Variants in CTH observed in about 807,000 individuals in gnomAD.
CTH encodes cystathionine gamma-lyase.
In CTH, 41 loss-of-function variants were observed where a neutral mutation model predicts 50.6. That is an observed-to-expected ratio of 0.81 (90% confidence interval 0.63 to 1.05). The LOEUF (loss-of-function observed/expected upper bound fraction) is 1.05. CTH is among the 50% of genes least tolerant of loss of function. CTH has a pLI of 0.00. For missense variants in CTH, 470 were observed against 492.6 expected (o/e 0.95, Z 0.43); for synonymous variants, 156 against 168.9 (o/e 0.92, Z 0.59).
At chr1:70,417,511 T>G (rs1684119629) in intron 2 of CTH, among the ~76,000 whole-genome samples, 1 of 152,062 alleles carries the variant, frequency 6.6e-6, no homozygotes, top group Non-Finnish European at 1.5e-5. Context: ...TCACGAAATC[T>G]TGACCTCAAA....
chr1:70,433,954 A>G lies in CTH; in HGVS notation c.999+5A>G, dbSNP rs376726962. On this transcript the variant is annotated splice_donor_5th_base_variant and intron_variant, in intron 9 of 11. Transcript: ENST00000370938. ...ATTTTCCTCAAGAACCTAAAGGTAA[A>G]CTTACAAAATAGGTTTAAAATTGTA... The G allele has an allele frequency of 7.4e-6, 12 of 1,613,708 alleles. No individual in the cohort carries two copies. The highest frequency in any genetic ancestry group is 9.3e-6 in the Non-Finnish European group (11 of 1,179,792).
intron 2 of CTH, among the ~76,000 whole-genome samples, chr1:70,416,559 A>ATT (rs34806645): frequency 1.9e-3 from 215 of 115,606 alleles, no homozygotes; most frequent in Non-Finnish European, 2.6e-3. Flanking sequence ...CACCCTGCTA[A>ATT]TTTTTTTTTT....
At chr1:70,425,269 T>C (rs543577570) in intron 5 of CTH, among the ~76,000 whole-genome samples, 16 of 152,352 alleles carry the variant, frequency 1.1e-4, no homozygotes, top group African/African-American at 3.8e-4. Flanking sequence ...GTATTTATAG[T>C]GCTCTTATGT....
At chr1:70,437,878 T>C (rs1222250562) in intron 10 of CTH, among the ~76,000 whole-genome samples, 1 of 152,216 alleles carries the variant, frequency 6.6e-6, no homozygotes, top group Non-Finnish European at 1.5e-5. Flanking sequence ...GCTAAACCTC[T>C]CCTCCATTAT....
intron 10 of CTH, among the ~76,000 whole-genome samples, chr1:70,436,438 A>T (rs762636847): frequency 2.6e-5 from 4 of 152,202 alleles, no homozygotes; most frequent in African/African-American, 7.2e-5. Context: ...TACTATGACC[A>T]TATGTTGTAA....
chr1:70,411,450 T>C lies in CTH; in HGVS notation c.35T>C (p.Leu12Pro). The C allele has an allele frequency of 6.2e-7, 1 of 1,614,182 alleles. No homozygotes were observed. Among genetic ancestry groups the C allele is most frequent in the Non-Finnish European group, 8.5e-7 (1 of 1,180,018 alleles). Residue 12 changes from leucine to proline, a missense_variant, in exon 1 of 12, where the codon CTG becomes CCG. Physicochemically the swap from Leu to Pro is moderately conservative, Grantham distance 98. Coordinates refer to ENST00000370938, the MANE Select transcript of CTH (RefSeq NM_001902.6). The part of the protein sequence containing the change: ...QEKDASSQGF[L>P]PHFQHFATQA... The stretch of plus-strand genomic sequence containing the variant: ...AAAGACGCCTCCTCACAAGGTTTCC[T>C]GCCACACTTCCAACATTTCGCCACG...
chr1:70,416,895 T>C (rs1277584072), intron 2 of CTH, among the ~76,000 whole-genome samples: 1 of 151,356 alleles, frequency 6.6e-6, no homozygotes, highest in African/African-American at 2.4e-5. Flanking sequence ...ATGGGGCTAT[T>C]TTGGCCAGGC....
intron 3 of CTH, among the ~76,000 whole-genome samples, chr1:70,419,129 C>T (rs2101733747): frequency 6.6e-6 from 1 of 151,980 alleles, no homozygotes; most frequent in East Asian, 1.9e-4. Context: ...CCAGCTTCAT[C>T]CCTGTCCCTA....
chr1:70,418,110 AAT>A, intron 3 of CTH, 78 bp downstream of exon 3: 3 of 1,501,932 alleles, frequency 2.0e-6, no homozygotes, highest in Non-Finnish European at 2.8e-6. Flanking sequence ...TAATATTAAC[AAT>A]GTTGCCAGTA....
intron 1 of CTH, among the ~76,000 whole-genome samples, chr1:70,413,569 C>A (rs1684022331): frequency 6.6e-6 from 1 of 151,132 alleles, no homozygotes; most frequent in African/African-American, 2.4e-5. Context: ...CGGCTCACAG[C>A]CTCTCTTTCA....
rs754616727 is a variant in CTH at position 70,433,869 on chromosome 1, T to A, written c.919T>A (p.Cys307Ser). ...ACAGCATGAGTTGGTGAAGCGTCAG[T>A]GTACAGGTTGTACAGGGATGGTCAC... The part of the protein sequence containing the change: ...HPQHELVKRQ[C>S]TGCTGMVTFY... Residue 307 changes from cysteine to serine, a missense_variant, in exon 9 of 12, where the codon TGT becomes AGT. Cys to Ser is a moderately radical substitution (Grantham distance 112). Coordinates refer to ENST00000370938, the MANE Select transcript of CTH (RefSeq NM_001902.6). The A allele has an allele frequency of 6.2e-7, 1 of 1,614,144 alleles. No individual in the cohort carries two copies. The highest frequency in any genetic ancestry group is 1.7e-5 in the Admixed American group (1 of 60,018).
chr1:70,436,227 G>C (rs573375895), intron 10 of CTH, among the ~76,000 whole-genome samples: 1 of 151,912 alleles, frequency 6.6e-6, no homozygotes, highest in Non-Finnish European at 1.5e-5. Context: ...CACGAGAATC[G>C]CTTGAACCCA....
chr1:70,426,326 C>A (rs1347284078), intron 5 of CTH, among the ~76,000 whole-genome samples: 2 of 152,064 alleles, frequency 1.3e-5, no homozygotes, highest in African/African-American at 4.8e-5. Flanking sequence ...CTGCCTGTAC[C>A]TTGTCATACT....
Position 70,417,955 on chromosome 1 carries a change from G to C in CTH, c.269G>C (p.Gly90Ala), listed in dbSNP as rs747534332. 6 of 1,613,868 alleles carry C rather than the reference G, an allele frequency of 3.7e-6. No homozygotes were observed. In the African/African-American group the frequency reaches 8.0e-5, roughly 22 times the overall value. The change falls in exon 3 of 12, where the codon GGT becomes GCT. Residue 90 changes from glycine to alanine, a missense_variant. Gly to Ala is a moderately conservative substitution (Grantham distance 60). Transcript: ENST00000370938. ...GAKYCLAFASGLAATVTITHL... is the reference protein window; with the variant it reads ...GAKYCLAFASALAATVTITHL... ...ATTTTAGGTTTGGCCTTTGCTTCAG[G>C]TTTAGCAGCCACTGTAACTATTACC...
chr1:70,416,313 A>G (rs942921073), intron 2 of CTH, among the ~76,000 whole-genome samples: 5 of 152,248 alleles, frequency 3.3e-5, no homozygotes, highest in Non-Finnish European at 7.3e-5. Context: ...TGTAGTATTC[A>G]TGTGAAAACA....
intron 1 of CTH, 111 bp downstream of exon 1, chr1:70,411,694 C>A: frequency 6.8e-7 from 1 of 1,477,052 alleles, no homozygotes; most frequent in East Asian, 2.4e-5. Context: ...ATTAGGAAGG[C>A]AACCGAAAGA....
chr1:70,437,835 G>C (rs1222719129), intron 10 of CTH, among the ~76,000 whole-genome samples: 1 of 152,080 alleles, frequency 6.6e-6, no homozygotes, highest in Admixed American at 6.5e-5. Flanking sequence ...GAAGAGTGTT[G>C]GTTGTAATAC....
At chr1:70,424,589 C>T (rs1320950019) in intron 5 of CTH, among the ~76,000 whole-genome samples, 173 bp downstream of exon 5, 1 of 152,158 alleles carries the variant, frequency 6.6e-6, no homozygotes, top group Non-Finnish European at 1.5e-5. Flanking sequence ...TAGTTAATAT[C>T]TTTTCAAACC....
chr1:70,436,335 A>C (rs1318391838), intron 10 of CTH, among the ~76,000 whole-genome samples: 1 of 152,110 alleles, frequency 6.6e-6, no homozygotes, highest in African/African-American at 2.4e-5. Flanking sequence ...CTCAAAAAAG[A>C]ACCAAAACAA....
Sources: allele counts gnomAD v4.1 joint callset (sites outside exome capture counted in the v4.1 genomes callset), GRCh38; gene constraint gnomAD v4.1.1; transcripts MANE v1.5; gene names NCBI Gene and HGNC (gene_info 2026-07-23, HGNC 2026-07-21).